Variants in ETS2 observed in about 807,000 individuals in gnomAD.
ETS2 encodes the protein ETS proto-oncogene 2, transcription factor, also known as protein C-ets-2.
ETS2 carries 19 observed loss-of-function variants against 54.9 expected under a neutral mutation model. The observed-to-expected ratio is 0.35, with a 90% CI of 0.24 to 0.51. The LOEUF (loss-of-function observed/expected upper bound fraction) is 0.51, where lower values mean the gene tolerates loss of function less well. Ranked by LOEUF, ETS2 falls within the 20% of genes least tolerant of loss-of-function variation. The pLI is 0.97. For missense variants in ETS2, 417 were observed against 593.0 expected, an observed-to-expected ratio of 0.70 and a Z score of 3.08; for synonymous variants, 219 against 229.3, an observed-to-expected ratio of 0.95 and a Z score of 0.41.
At chr21:38,805,615 A>C, upstream of ETS2, 1 of 1,252,524 alleles carries the variant, frequency 8.0e-7, no homozygotes, top group Non-Finnish European at 1.0e-6. The surrounding 1 kb of genome is among the most constrained non-coding windows in gnomAD (Gnocchi z 5.2). Flanking sequence ...GGCGGAGGGA[A>C]GGTTGGGCCG....
At position 38,814,912 on chromosome 21, in the gene ETS2, C is replaced by T. The variant is rs755635528; in HGVS notation, c.436C>T (p.Arg146Cys). Reference sequence around the variant, plus strand: ...GATGCTGTGTAACCTTGGCAAGGAACGCTTTCTGGAGCTGGCACCTGACTT... The same window carrying T: ...GATGCTGTGTAACCTTGGCAAGGAATGCTTTCTGGAGCTGGCACCTGACTT... ...GQMLCNLGKE[R>C]FLELAPDFVG... The change falls in exon 5 of 10, where the codon CGC becomes TGC. Residue 146 changes from arginine to cysteine, a missense_variant. Around this residue, in one of 3 missense-constraint regions of ETS2, gnomAD observed 326 missense variants for 426.1 expected, o/e 0.76. Transcript: ENST00000360938. The surrounding 1 kb of genome is among the most constrained non-coding windows in gnomAD (Gnocchi z 4.2). The T allele has an allele frequency of 2.7e-5, 44 of 1,614,172 alleles. 1 individual carries two copies. In the East Asian group the frequency reaches 4.5e-4, roughly 16 times the overall value.
At chr21:38,809,250 T>G (rs1403490266) in intron 1 of ETS2, among the ~76,000 whole-genome samples, 1 of 152,212 alleles carries the variant, frequency 6.6e-6, no homozygotes, top group Non-Finnish European at 1.5e-5. Flanking sequence ...TAGCCACTGG[T>G]TGAGAGCTCT....
At chr21:38,812,610 G>C (rs1209955) in intron 2 of ETS2, among the ~76,000 whole-genome samples, 11 of 152,014 alleles carry the variant, frequency 7.2e-5, no homozygotes, top group Admixed American at 7.2e-4. Flanking sequence ...GTGAAACCCT[G>C]TCTGTACTAA....
chr21:38,806,004 G>C lies in ETS2; in HGVS notation c.-117G>C, dbSNP rs2060890761. ...TCCCGGAGCCGCCCGGCCAGCGTCC[G>C]GCCTCCCTGATCGTCTCTGGCCGGC... On this transcript the variant is annotated 5_prime_UTR_variant, in exon 1 of 10. Transcript: ENST00000360938. This position sits in a 1 kb window ranked among gnomAD's most constrained non-coding sequence, Gnocchi z 4.3. The C allele has an allele frequency of 7.9e-7, 1 of 1,262,830 alleles. No homozygotes were observed. Among genetic ancestry groups the C allele is most frequent in the Admixed American group, 2.5e-5 (1 of 40,478 alleles). 78.2% of individuals were successfully genotyped at this position (1,262,830 alleles called of 1,614,324 possible).
At position 38,806,953 on chromosome 21, in the gene ETS2, TAAAGA is replaced by T; in HGVS notation, c.-1+836_-1+840del. 1 of 495,554 alleles carries T rather than the reference TAAAGA, an allele frequency of 2.0e-6. No homozygotes were observed. Among genetic ancestry groups the T allele is most frequent in the South Asian group, 8.6e-5 (1 of 11,660 alleles). The allele number at this position is 495,554 out of a possible 1,614,324, so 30.7% of individuals were successfully genotyped here. The stretch of plus-strand genomic sequence containing the variant: ...GTTGACGCGCTAGTTATTTAGAAAG[TAAAGA>T]AATGAGCAGTCCCCTTTGGAGACAG... On this transcript the variant is annotated intron_variant, in intron 1 of 9. Coordinates refer to ENST00000360938, the MANE Select transcript of ETS2 (RefSeq NM_005239.6). The surrounding 1 kb of genome is among the most constrained non-coding windows in gnomAD (Gnocchi z 4.3).
At chr21:38,822,537 C>G in intron 9 of ETS2, 137 bp from the exon 10 acceptor site, 1 of 706,682 alleles carries the variant, frequency 1.4e-6, no homozygotes, top group East Asian at 2.8e-5. Context: ...TCAAAAGGTC[C>G]TCCTGCGGAC....
intron 5 of ETS2, 150 bp from the exon 6 acceptor site, chr21:38,816,858 G>A: frequency 1.9e-6 from 1 of 516,916 alleles, no homozygotes. Context: ...AGACAGGCAG[G>A]GACGTGGAGC....
chr21:38,807,417 CTTTTTT>C (rs369913456), intron 1 of ETS2, among the ~76,000 whole-genome samples: 3 of 133,368 alleles, frequency 2.2e-5, no homozygotes, highest in Admixed American at 7.6e-5. Context: ...GCTCTTTATC[CTTTTTT>C]TTTTTTTTTT....
chr21:38,814,769 C>A lies in ETS2; in HGVS notation c.305-12C>A. On this transcript the variant is annotated splice_polypyrimidine_tract_variant and intron_variant, in intron 4 of 9. Coordinates refer to ENST00000360938, the MANE Select transcript of ETS2 (RefSeq NM_005239.6). The surrounding 1 kb of genome is among the most constrained non-coding windows in gnomAD (Gnocchi z 4.2). ...TACCTCATGTGTTCCATTTTTTCTT[C>A]TCTCCTGGTAGACCCCTGGCTGTGG... 2.5e-6 allele frequency: 4 copies of A among 1,608,368 alleles called. No individual in the cohort carries two copies. The highest frequency in any genetic ancestry group is 3.4e-6 in the Non-Finnish European group (4 of 1,177,510).
In ETS2 at chr21:38,814,982, G is replaced by A. The variant is rs113798497; in HGVS notation, c.505+1G>A. The stretch of plus-strand genomic sequence containing the variant: ...GAACATCTGGAGCAAATGATCAAAG[G>A]TACCAGCTGAACGTCTTACTTCTCC... On this transcript the variant is annotated splice_donor_variant, in intron 5 of 9. Coordinates refer to ENST00000360938, the MANE Select transcript of ETS2 (RefSeq NM_005239.6). LOFTEE classifies it high-confidence loss of function. This position sits in a 1 kb window ranked among gnomAD's most constrained non-coding sequence, Gnocchi z 4.2. The A allele has an allele frequency of 6.2e-7, 1 of 1,613,904 alleles. No individual in the cohort carries two copies. Among genetic ancestry groups the A allele is most frequent in the Non-Finnish European group, 8.5e-7 (1 of 1,179,784 alleles).
intron 1 of ETS2, among the ~76,000 whole-genome samples, chr21:38,807,235 A>T (rs965853465): frequency 6.6e-6 from 1 of 152,206 alleles, no homozygotes; most frequent in African/African-American, 2.4e-5. Context: ...AAGCGAAAAA[A>T]GCAAACTACC....
rs1479192068 is a variant in ETS2 at position 38,805,991 on chromosome 21, C to T, written c.-130C>T. The T allele has an allele frequency of 1.6e-6, 2 of 1,264,102 alleles. No homozygotes were observed. Among genetic ancestry groups the T allele is most frequent in the Non-Finnish European group, 2.0e-6 (2 of 979,156 alleles). The allele number at this position is 1,264,102 out of a possible 1,614,324, so 78.3% of individuals were successfully genotyped here. A position where few individuals can be genotyped will look rare whatever the true frequency, so the allele number is the denominator to read the frequency against. On this transcript the variant is annotated 5_prime_UTR_variant, in exon 1 of 10. Coordinates refer to ENST00000360938, the MANE Select transcript of ETS2 (RefSeq NM_005239.6). The surrounding 1 kb of genome is among the most constrained non-coding windows in gnomAD (Gnocchi z 5.2). ...TCCAGCTCAGAGCTCCCGGAGCCGC[C>T]CGGCCAGCGTCCGGCCTCCCTGATC...
At chr21:38,809,403 A>G (rs2060905583) in intron 1 of ETS2, among the ~76,000 whole-genome samples, 1 of 152,204 alleles carries the variant, frequency 6.6e-6, no homozygotes, top group Non-Finnish European at 1.5e-5. Flanking sequence ...CACACAAAGC[A>G]GAAATATTTT....
upstream of ETS2, chr21:38,805,367 G>A: frequency 7.8e-7 from 1 of 1,288,950 alleles, no homozygotes; most frequent in Non-Finnish European, 1.0e-6. The surrounding 1 kb of genome is among the most constrained non-coding windows in gnomAD (Gnocchi z 5.2). Flanking sequence ...CTCAATTTCA[G>A]GGCCTTATTA....
intron 6 of ETS2, 85 bp downstream of exon 6, chr21:38,817,176 G>C: frequency 1.2e-6 from 1 of 854,384 alleles, no homozygotes; most frequent in East Asian, 2.4e-5. Flanking sequence ...GGCTCCTAAG[G>C]GGCCACCTAG....
chr21:38,808,542 T>C (rs1468826645), intron 1 of ETS2, among the ~76,000 whole-genome samples: 1 of 151,710 alleles, frequency 6.6e-6, no homozygotes, highest in Non-Finnish European at 1.5e-5. Flanking sequence ...AATTTTCTGA[T>C]GCCTCTGGCC....
At position 38,806,855 on chromosome 21, in the gene ETS2, C is replaced by G. The variant is rs1039184719; in HGVS notation, c.-1+735C>G. 1.0e-6 allele frequency: 1 copy of G among 985,028 alleles called. No homozygotes were observed. The highest frequency in any genetic ancestry group is 1.2e-6 in the Non-Finnish European group (1 of 829,700). The allele number at this position is 985,028 out of a possible 1,614,324, so 61.0% of individuals were successfully genotyped here. On this transcript the variant is annotated intron_variant, in intron 1 of 9. Transcript: ENST00000360938. The surrounding 1 kb of genome is among the most constrained non-coding windows in gnomAD (Gnocchi z 4.3). ...TGTGTTTGGGTTGCGTGTGTGTTAT[C>G]CTATTTTATTTTTTACGGCAGGAGA...
At chr21:38,813,187 T>G in intron 3 of ETS2, 73 bp downstream of exon 3, 1 of 931,096 alleles carries the variant, frequency 1.1e-6, no homozygotes, top group Admixed American at 1.7e-5. Flanking sequence ...GAGATGACAG[T>G]TCCTAAGTGA....
intron 8 of ETS2, among the ~76,000 whole-genome samples, chr21:38,820,232 T>C (rs959860185): frequency 6.6e-6 from 1 of 152,336 alleles, no homozygotes; most frequent in South Asian, 2.1e-4. Context: ...AGTGGACAAA[T>C]ATAAAGCTGT....
Sources: gnomAD v4.1 joint callset for allele counts (sites outside exome capture counted in the v4.1 genomes callset) on GRCh38, gnomAD v4.1.1 for gene constraint, gnomAD v4.1.1 regional missense constraint, Gnocchi (gnomAD v3.1) non-coding constraint, MANE v1.5 for transcripts, NCBI Gene and HGNC (gene_info 2026-07-23, HGNC 2026-07-21) for gene names.